SIPA1L3: variants seen among roughly 807,000 people sequenced by gnomAD.
SIPA1L3 encodes signal-induced proliferation-associated 1-like protein 3.
Under a neutral mutation model 150.1 loss-of-function variants are expected in SIPA1L3, and 59 were observed. The ratio of observed to expected loss-of-function variants is 0.39; its 90% confidence interval spans 0.32 to 0.49. The LOEUF is 0.49. Ranked by LOEUF, SIPA1L3 falls within the 20% of genes least tolerant of loss-of-function variation. The pLI is 0.86. For synonymous variants in SIPA1L3, 1,070 were observed against 1,077.6 expected, an observed-to-expected ratio of 0.99 and a Z score of 0.14; for missense variants, 2,211 against 2,489.5, an observed-to-expected ratio of 0.89 and a Z score of 2.38.
chr19:37,918,132 T>G (rs2046428094), intron 1 of SIPA1L3, among the ~76,000 whole-genome samples: 1 of 152,148 alleles, frequency 6.6e-6, no homozygotes, highest in South Asian at 2.1e-4. Context: ...TGCTGGAACC[T>G]GGAACCTTAC....
At chr19:38,181,945 A>G (rs1449720244) in intron 15 of SIPA1L3, among the ~76,000 whole-genome samples, 1 of 151,798 alleles carries the variant, frequency 6.6e-6, no homozygotes, top group Non-Finnish European at 1.5e-5. Flanking sequence ...TGAGCCCAGG[A>G]GCTCAAGACC....
intron 4 of SIPA1L3, among the ~76,000 whole-genome samples, chr19:38,096,407 G>A (rs1970380931): frequency 6.6e-6 from 1 of 152,076 alleles, no homozygotes; most frequent in Non-Finnish European, 1.5e-5. Flanking sequence ...GAGCCATCAT[G>A]CCTGGCTAAT....
chr19:38,076,839 T>C (rs2145811051), intron 2 of SIPA1L3, among the ~76,000 whole-genome samples: 1 of 152,350 alleles, frequency 6.6e-6, no homozygotes, highest in African/African-American at 2.4e-5. Flanking sequence ...TCACTGCCTG[T>C]ATGCCAGCAG....
intron 2 of SIPA1L3, among the ~76,000 whole-genome samples, chr19:38,042,677 T>A (rs150340156): frequency 5.1e-4 from 77 of 152,326 alleles, no homozygotes; most frequent in Admixed American, 1.2e-3. Context: ...TTTCTAAGGA[T>A]AATATTTTGG....
chr19:37,990,385 T>A (rs1410360992), intron 1 of SIPA1L3, among the ~76,000 whole-genome samples: 1 of 152,200 alleles, frequency 6.6e-6, no homozygotes, highest in Non-Finnish European at 1.5e-5. Context: ...ACCTTGAGCC[T>A]ATGGGAGGAA....
At chr19:37,945,243 T>C (rs2046699715) in intron 1 of SIPA1L3, among the ~76,000 whole-genome samples, 1 of 152,006 alleles carries the variant, frequency 6.6e-6, no homozygotes, top group Non-Finnish European at 1.5e-5. Flanking sequence ...TTAGGTTGTT[T>C]TTTTTTTTGA....
At chr19:37,942,559 G>A (rs1193235644) in intron 1 of SIPA1L3, among the ~76,000 whole-genome samples, 1 of 143,124 alleles carries the variant, frequency 7.0e-6, no homozygotes, top group Non-Finnish European at 1.5e-5. Context: ...GACGGGGGTG[G>A]CGGGGGAGCC....
intron 12 of SIPA1L3, among the ~76,000 whole-genome samples, chr19:38,149,501 A>C (rs978399832): frequency 1.3e-5 from 2 of 152,204 alleles, no homozygotes; most frequent in Admixed American, 1.3e-4. Context: ...CCAACTAAAG[A>C]GGAGGGTCTA....
intron 1 of SIPA1L3, among the ~76,000 whole-genome samples, chr19:38,005,385 G>A (rs1967916901): frequency 1.3e-5 from 2 of 151,476 alleles, no homozygotes; most frequent in African/African-American, 4.9e-5. Context: ...CCTGTGCACT[G>A]CGCTCCAGCT....
chr19:38,006,202 A>G (rs1048383137), intron 1 of SIPA1L3, among the ~76,000 whole-genome samples: 2 of 151,852 alleles, frequency 1.3e-5, no homozygotes, highest in Non-Finnish European at 2.9e-5. Flanking sequence ...AGTCCAGGGT[A>G]GGGGTTGGGG....
At chr19:38,024,346 G>A (rs550349576) in intron 1 of SIPA1L3, among the ~76,000 whole-genome samples, 2 of 152,290 alleles carry the variant, frequency 1.3e-5, no homozygotes, top group East Asian at 3.9e-4. Context: ...ATGGTCTTGT[G>A]GAACTTTTGA....
At chr19:38,191,835 C>T (rs1236624420) in intron 16 of SIPA1L3, among the ~76,000 whole-genome samples, 2 of 152,196 alleles carry the variant, frequency 1.3e-5, no homozygotes, top group Admixed American at 6.5e-5. Flanking sequence ...AGCCTCTCCC[C>T]TCACACAGGG....
rs556501985 is a variant in SIPA1L3, at chr19:38,154,927, A to G, written c.3661+1960A>G. On this transcript the variant is annotated intron_variant, in intron 13 of 21. Coordinates refer to ENST00000222345, the MANE Select transcript of SIPA1L3 (RefSeq NM_015073.3). ...TAGGCATGAGCCACCACTCCTGGCT[A>G]ATTTTGTATTTTTAATAGAGACAGG... Among the ~76,000 whole-genome samples the G allele has an allele frequency of 4.0e-5, 6 of 151,772 alleles. No individual in the cohort carries two copies. The South Asian group carries it at 6.3e-4, about 16-fold the overall frequency.
At chr19:38,179,239 C>A (rs1600176903) in intron 15 of SIPA1L3, among the ~76,000 whole-genome samples, 1 of 152,162 alleles carries the variant, frequency 6.6e-6, no homozygotes, top group Non-Finnish European at 1.5e-5. Flanking sequence ...GTCAGGAGTT[C>A]GAGACCAGCC....
chr19:37,969,328 G>T (rs2145589729), intron 1 of SIPA1L3, among the ~76,000 whole-genome samples: 1 of 152,334 alleles, frequency 6.6e-6, no homozygotes, highest in East Asian at 1.9e-4. Flanking sequence ...AAGGCGGGCG[G>T]ATCACCTGAG....
intron 13 of SIPA1L3, among the ~76,000 whole-genome samples, chr19:38,156,150 C>T (rs538805186): frequency 2.6e-4 from 40 of 152,262 alleles, no homozygotes; most frequent in Non-Finnish European, 5.1e-4. Context: ...GGGCCTCAGC[C>T]TCTTTGCTGT....
Position 38,164,042 on chromosome 19 carries a change from TGAG to T in SIPA1L3, c.3781-434_3781-432del, listed in dbSNP as rs1188272770. 6.6e-6 allele frequency among the ~76,000 whole-genome samples: 1 copy of T among 152,048 alleles called. No individual in the cohort carries two copies. The highest frequency in any genetic ancestry group is 1.5e-5 in the Non-Finnish European group (1 of 68,000). On this transcript the variant is annotated intron_variant, in intron 14 of 21. Coordinates refer to ENST00000222345, the MANE Select transcript of SIPA1L3 (RefSeq NM_015073.3). The surrounding 1 kb of genome is among the most constrained non-coding windows in gnomAD (Gnocchi z 4.1). Reference sequence around the variant, plus strand: ...GAAGTGACAGGTCCCGGATCTGTGTTGAGGACGCGGGCAGCAGGGTTTGCTAGT... The same window carrying T: ...GAAGTGACAGGTCCCGGATCTGTGTTGACGCGGGCAGCAGGGTTTGCTAGT...
intron 2 of SIPA1L3, among the ~76,000 whole-genome samples, chr19:38,059,775 C>CT (rs943110877): frequency 1.9e-4 from 28 of 150,660 alleles, no homozygotes; most frequent in African/African-American, 2.4e-4. Flanking sequence ...CACCAGAACC[C>CT]TTTTTTTTTC....
intron 1 of SIPA1L3, among the ~76,000 whole-genome samples, chr19:37,975,957 T>C (rs1397416495): frequency 1.3e-5 from 2 of 151,982 alleles, no homozygotes; most frequent in Admixed American, 1.3e-4. Flanking sequence ...ATAGAAAAAT[T>C]AGTCATGCGT....
Sources: gnomAD v4.1 joint callset for allele counts (sites outside exome capture counted in the v4.1 genomes callset) on GRCh38, gnomAD v4.1.1 for gene constraint, Gnocchi (gnomAD v3.1) non-coding constraint, MANE v1.5 for transcripts, NCBI Gene and HGNC (gene_info 2026-07-23, HGNC 2026-07-21) for gene names.